Variants in LAMC3 observed in about 807,000 individuals in gnomAD.
The protein encoded by LAMC3 is laminin subunit gamma 3.
LAMC3 carries 128 observed loss-of-function variants against 173.8 expected under a neutral mutation model. The observed-to-expected ratio is 0.74, with a 90% confidence interval of 0.64 to 0.85. The LOEUF is 0.85. Ranked by LOEUF, LAMC3 falls within the 40% of genes least tolerant of loss-of-function variation. LAMC3 has a pLI of 0.00. For missense variants in LAMC3, 2,022 were observed against 2,156.0 expected (o/e 0.94, Z 1.23); for synonymous variants, 897 against 909.1 (o/e 0.99, Z 0.24).
intron 8 of LAMC3, 129 bp from the exon 9 acceptor site, chr9:131,048,891 C>T (rs1024189072): frequency 8.2e-6 from 5 of 612,734 alleles, no homozygotes; most frequent in South Asian, 2.0e-5. Context: ...CAAGCAGATC[C>T]GGGTCCCTGA....
chr9:131,082,155 C>T lies in LAMC3; in HGVS notation c.4024C>T (p.Leu1342=). ...VMGARTLLAD[L]EGMKLQFPRP... Reference sequence around the variant, plus strand: ...GGGAGCCAGGACTCTGCTGGCTGATCTGGAAGGTACGTGAGTCCAGCTGAC... The same window carrying T: ...GGGAGCCAGGACTCTGCTGGCTGATTTGGAAGGTACGTGAGTCCAGCTGAC... Residue 1342 remains leucine (L), a synonymous_variant, in exon 24 of 28, where the codon CTG becomes TTG. Coordinates refer to ENST00000361069, the MANE Select transcript of LAMC3 (RefSeq NM_006059.4). The T allele has an allele frequency of 6.2e-7, 1 of 1,611,612 alleles. No individual in the cohort carries two copies. Among genetic ancestry groups the T allele is most frequent in the Non-Finnish European group, 8.5e-7 (1 of 1,178,234 alleles).
rs527708847 is a variant in LAMC3, at chr9:131,069,343, C to T, written c.2890+293C>T. Among the ~76,000 whole-genome samples, 218 of 152,260 alleles carry T rather than the reference C, an allele frequency of 1.4e-3. 1 individual carries two copies. The highest frequency in any genetic ancestry group is 2.4e-3 in the Non-Finnish European group (165 of 68,020). On this transcript the variant is annotated intron_variant, in intron 16 of 27. Coordinates refer to ENST00000361069, the MANE Select transcript of LAMC3 (RefSeq NM_006059.4). ...TGCCGGCCAGGAATGTAGTCCCAGA[C>T]GCGCTGTTAAGTGCCTGTGTGCCTG...
chr9:131,048,682 G>A (rs1834223252), intron 8 of LAMC3, among the ~76,000 whole-genome samples: 1 of 152,090 alleles, frequency 6.6e-6, no homozygotes, highest in African/African-American at 2.4e-5. Flanking sequence ...TTAATGACAT[G>A]GGCCACTGGA....
chr9:131,052,781 C>T (rs1274784483), intron 10 of LAMC3, 69 bp from the exon 11 acceptor site: 1 of 1,330,280 alleles, frequency 7.5e-7, no homozygotes. Flanking sequence ...GGGGGGCTAC[C>T]CCCCATCCCC....
At chr9:131,034,649 C>T (rs577213312) in intron 3 of LAMC3, among the ~76,000 whole-genome samples, 6 of 152,328 alleles carry the variant, frequency 3.9e-5, no homozygotes, top group South Asian at 2.1e-4. Context: ...GGAATGGGGA[C>T]GCTAATGTCC....
Position 131,073,657 on chromosome 9 carries a change from A to T in LAMC3, c.3494+336A>T, listed in dbSNP as rs561891094. ...GCACTCCAGCCTGGGCAATAGAGTG[A>T]GACTCTGTCTCACTGTATAATTCAG... On this transcript the variant is annotated intron_variant, in intron 20 of 27. Transcript: ENST00000361069. Among the ~76,000 whole-genome samples, 6 of 152,298 alleles carry T rather than the reference A, an allele frequency of 3.9e-5. No homozygotes were observed. In the South Asian group the frequency reaches 1.2e-3, roughly 32 times the overall value.
Position 131,057,093 on chromosome 9 carries a change from G to A in LAMC3, c.2104G>A (p.Ala702Thr). The A allele has an allele frequency of 6.2e-7, 1 of 1,614,176 alleles. No individual in the cohort carries two copies. Among genetic ancestry groups the A allele is most frequent in the Non-Finnish European group, 8.5e-7 (1 of 1,180,022 alleles). The stretch of plus-strand genomic sequence containing the variant: ...GGAGATGCCACAGGGGGGTCCCTAT[G>A]CCAGCTGTGTCCCCTGCACCTGTAA... ...KREMPQGGPY[A>T]SCVPCTCNQH... Residue 702 changes from alanine to threonine, a missense_variant, in exon 12 of 28, where the codon GCC becomes ACC. Physicochemically the swap from Ala to Thr is moderately conservative, Grantham distance 58. Coordinates refer to ENST00000361069, the MANE Select transcript of LAMC3 (RefSeq NM_006059.4).
At chr9:131,032,492 C>CGCTCTCTCTCACTCGCTCTCTCTCTCTT (rs1491489236) in intron 3 of LAMC3, among the ~76,000 whole-genome samples, 4 of 149,600 alleles carry the variant, frequency 2.7e-5, no homozygotes, top group Admixed American at 2.0e-4. Flanking sequence ...CTCTCGCTCT[C>CGCTCTCTCTCACTCGCTCTCTCTCTCTT]GCTCTCTCTC....
chr9:131,018,663 AT>A (rs1390231335), intron 1 of LAMC3, among the ~76,000 whole-genome samples: 1 of 152,092 alleles, frequency 6.6e-6, no homozygotes, highest in African/African-American at 2.4e-5. Flanking sequence ...TCTGTCTAGA[AT>A]TCTGTTCCCT....
chr9:131,074,115 T>C (rs1249243327), intron 20 of LAMC3, among the ~76,000 whole-genome samples: 1 of 151,436 alleles, frequency 6.6e-6, no homozygotes, highest in Non-Finnish European at 1.5e-5. Flanking sequence ...CCCAGCTAAT[T>C]TTTTTGTATT....
chr9:131,076,000 G>A lies in LAMC3; in HGVS notation c.3629+35G>A, dbSNP rs201859555. 455 of 1,573,228 alleles carry A rather than the reference G, an allele frequency of 2.9e-4. 1 individual carries two copies. Among genetic ancestry groups the A allele is most frequent in the Non-Finnish European group, 2.5e-4 (287 of 1,156,758 alleles). ...CCCCAGGTGTGGGTAGAAACTTTGGGGTTGGCCTCCTGGAGCCAACAGGGC... is the reference window on the plus strand; with the variant it reads ...CCCCAGGTGTGGGTAGAAACTTTGGAGTTGGCCTCCTGGAGCCAACAGGGC... On this transcript the variant is annotated intron_variant, in intron 21 of 27. Coordinates refer to ENST00000361069, the MANE Select transcript of LAMC3 (RefSeq NM_006059.4).
At chr9:131,057,583 C>T (rs1034061933) in intron 12 of LAMC3, among the ~76,000 whole-genome samples, 2 of 152,232 alleles carry the variant, frequency 1.3e-5, no homozygotes, top group Admixed American at 6.5e-5. Context: ...CAGGTGACAG[C>T]AGCTCATAGG....
intron 8 of LAMC3, among the ~76,000 whole-genome samples, chr9:131,046,083 A>G (rs541878688): frequency 6.6e-6 from 1 of 151,840 alleles, no homozygotes; most frequent in Non-Finnish European, 1.5e-5. Flanking sequence ...TTCCCCTTTC[A>G]ATGATGAAGT....
intron 1 of LAMC3, among the ~76,000 whole-genome samples, chr9:131,012,966 G>A (rs1027079269): frequency 1.3e-5 from 2 of 152,244 alleles, no homozygotes; most frequent in African/African-American, 4.8e-5. Context: ...AGTGGGCTCT[G>A]GCAGCCCCAG....
Position 131,026,535 on chromosome 9 carries a change from C to G in LAMC3, c.624C>G (p.Ser208=). The G allele has an allele frequency of 6.2e-7, 1 of 1,611,200 alleles. No individual in the cohort carries two copies. The highest frequency in any genetic ancestry group is 8.5e-7 in the Non-Finnish European group (1 of 1,179,238). Residue 208 remains serine (S), a synonymous_variant, in exon 2 of 28, where the codon TCC becomes TCG. Transcript: ENST00000361069. This position sits in a 1 kb window ranked among gnomAD's most constrained non-coding sequence, Gnocchi z 4.8. Reference sequence around the variant, plus strand: ...TGAGTGGCGGCAACGTGGCCTTCTCCACCCTGGAGGGCCGGCCCAGCGCCT... The same window carrying G: ...TGAGTGGCGGCAACGTGGCCTTCTCGACCCTGGAGGGCCGGCCCAGCGCCT... ...SPLSGGNVAF[S]TLEGRPSAYN...
At chr9:131,060,783 T>C (rs892353325) in intron 12 of LAMC3, among the ~76,000 whole-genome samples, 1 of 152,190 alleles carries the variant, frequency 6.6e-6, no homozygotes, top group Non-Finnish European at 1.5e-5. Flanking sequence ...GTTCCCATTT[T>C]GCAGATGGGG....
intron 7 of LAMC3, 84 bp from the exon 8 acceptor site, chr9:131,045,440 A>G: frequency 1.3e-6 from 2 of 1,505,850 alleles, no homozygotes; most frequent in Non-Finnish European, 9.2e-7. Flanking sequence ...CTAGACTCTC[A>G]TTGGTCCAGC....
chr9:131,009,228 C>T lies in LAMC3; in HGVS notation c.14C>T (p.Ala5Val), dbSNP rs1131691691. The T allele has an allele frequency of 6.7e-5, 83 of 1,236,634 alleles. No individual in the cohort carries two copies. Among genetic ancestry groups the T allele is most frequent in the Non-Finnish European group, 8.3e-5 (82 of 993,676 alleles). 76.6% of individuals were successfully genotyped at this position (1,236,634 alleles called of 1,614,324 possible). The change falls in exon 1 of 28, where the codon GCG (alanine) becomes GTG (valine). Residue 5 changes from alanine (A) to valine (V), a missense_variant. Physicochemically the swap from Ala to Val is moderately conservative, Grantham distance 64. Coordinates refer to ENST00000361069, the MANE Select transcript of LAMC3 (RefSeq NM_006059.4). This position sits in a 1 kb window ranked among gnomAD's most constrained non-coding sequence, Gnocchi z 4.3. Reference sequence around the variant, plus strand: ...GTGCCCTTGACCATGGCGGCGGCTGCGCTTCTGCTGGGGCTGGCGCTGCTG... The same window carrying T: ...GTGCCCTTGACCATGGCGGCGGCTGTGCTTCTGCTGGGGCTGGCGCTGCTG... MAAAALLLGLALLAP... is the reference protein window; with the variant it reads MAAAVLLLGLALLAP...
At position 131,009,415 on chromosome 9, in the gene LAMC3, C is replaced by T. The variant is rs762481104; in HGVS notation, c.201C>T (p.Ala67=). 4.7e-5 allele frequency: 73 copies of T among 1,541,098 alleles called. No homozygotes were observed. The highest frequency in any genetic ancestry group is 3.4e-4 in the Middle Eastern group (2 of 5,944). ...PPEDFCPHVG[A]AGAGAHCQRC... is the part of the protein sequence containing the mutation. ...AGGACTTCTGTCCCCACGTGGGCGC[C>T]GCGGGCGCGGGGGCTCATTGCCAGC... is the stretch of plus-strand genomic sequence containing the variant. Residue 67 remains alanine (A), a synonymous_variant, in exon 1 of 28, where the codon GCC becomes GCT. Transcript: ENST00000361069. The surrounding 1 kb of genome is among the most constrained non-coding windows in gnomAD (Gnocchi z 4.3).
Sources: allele counts gnomAD v4.1 joint callset (sites outside exome capture counted in the v4.1 genomes callset), GRCh38; gene constraint gnomAD v4.1.1; non-coding constraint Gnocchi (gnomAD v3.1); transcripts MANE v1.5; gene names NCBI Gene and HGNC (gene_info 2026-07-23, HGNC 2026-07-21).